Variants in HDAC5 observed in about 807,000 individuals in gnomAD.
HDAC5 encodes the protein histone deacetylase 5.
In HDAC5, 25 loss-of-function variants were observed where a neutral mutation model predicts 133.3. The ratio of observed to expected loss-of-function variants is 0.19; its 90% CI spans 0.14 to 0.26. HDAC5 has a LOEUF of 0.26. Ranked by LOEUF, HDAC5 falls within the 10% of genes least tolerant of loss-of-function variation. HDAC5 has a pLI of 1.00. For missense variants in HDAC5, 1,041 were observed against 1,460.5 expected (o/e 0.71, Z 4.68); for synonymous variants, 589 against 610.8 (o/e 0.96, Z 0.53).
intron 20 of HDAC5, chr17:44,081,438 A>G (rs1026035063): frequency 1.3e-5 from 2 of 151,930 alleles, no homozygotes; most frequent in African/African-American, 4.8e-5. Context: ...TTTTTAGTAG[A>G]GATGGGGTTT....
At chr17:44,102,919 C>CA (rs969754047) in intron 3 of HDAC5, among the ~76,000 whole-genome samples, 16 of 151,488 alleles carry the variant, frequency 1.1e-4, no homozygotes, top group African/African-American at 3.6e-4. Flanking sequence ...CCACCCGCCT[C>CA]GCCTCCCAAA....
chr17:44,120,892 G>A (rs2052951342), intron 1 of HDAC5, among the ~76,000 whole-genome samples: 1 of 152,008 alleles, frequency 6.6e-6, no homozygotes. Context: ...CCCAAGCTAG[G>A]CCAACAGAAG....
intron 9 of HDAC5, 84 bp downstream of exon 9, chr17:44,092,088 A>G: frequency 8.0e-7 from 1 of 1,251,626 alleles, no homozygotes; most frequent in Non-Finnish European, 1.1e-6. Context: ...ACTCAGGCAG[A>G]CAGACTGGAA....
intron 23 of HDAC5, among the ~76,000 whole-genome samples, 170 bp downstream of exon 23, chr17:44,079,937 C>T (rs946924983): frequency 6.6e-6 from 1 of 152,106 alleles, no homozygotes; most frequent in Non-Finnish European, 1.5e-5. Flanking sequence ...CCCTCAAGGC[C>T]GGGGTTGGCA....
At chr17:44,087,066 G>A (rs960737601) in intron 13 of HDAC5, among the ~76,000 whole-genome samples, 3 of 151,754 alleles carry the variant, frequency 2.0e-5, no homozygotes, top group South Asian at 2.1e-4. Context: ...AGCTAGGCGC[G>A]AGGCAGACAG....
chr17:44,078,373 G>A lies in HDAC5; in HGVS notation c.*3C>T, dbSNP rs2050209656. On this transcript the variant is annotated 3_prime_UTR_variant, in exon 27 of 27. Transcript: ENST00000682912. ...GAAGCCCAGAGGGATGGGGGCCGGG[G>A]CGTCACAGGGCAGGCTCCTGCTCCA... 6.6e-7 allele frequency: 1 copy of A among 1,522,348 alleles called. No homozygotes were observed. The highest frequency in any genetic ancestry group is 8.8e-7 in the Non-Finnish European group (1 of 1,137,600). 94.3% of individuals were successfully genotyped at this position (1,522,348 alleles called of 1,614,324 possible).
chr17:44,117,186 C>T lies in HDAC5; in HGVS notation c.22+308G>A, dbSNP rs145681279. 6.6e-6 allele frequency among the ~76,000 whole-genome samples: 1 copy of T among 152,342 alleles called. No individual in the cohort carries two copies. Among genetic ancestry groups the T allele is most frequent in the Non-Finnish European group, 1.5e-5 (1 of 68,026 alleles). ...AGAGAGATTAAGGGATACACACTGC[C>T]CCCTCAGGCCCACCTGTCTTGGCTA... On this transcript the variant is annotated intron_variant, in intron 2 of 26. Coordinates refer to ENST00000682912, the MANE Select transcript of HDAC5 (RefSeq NM_005474.5). This position sits in a 1 kb window ranked among gnomAD's most constrained non-coding sequence, Gnocchi z 4.2.
chr17:44,107,264 T>C (rs1449974830), intron 3 of HDAC5, among the ~76,000 whole-genome samples: 2 of 152,154 alleles, frequency 1.3e-5, no homozygotes, highest in Non-Finnish European at 2.9e-5. Context: ...TTCCTTAACC[T>C]CTCTGAGCCT....
At position 44,093,685 on chromosome 17, in the gene HDAC5, C is replaced by T. The variant is rs2051084934; in HGVS notation, c.244G>A (p.Ala82Thr). The T allele has an allele frequency of 6.2e-7, 1 of 1,609,302 alleles. No homozygotes were observed. Among genetic ancestry groups the T allele is most frequent in the Non-Finnish European group, 8.5e-7 (1 of 1,178,160 alleles). The part of the protein sequence containing the change: ...REQQLQQELL[A>T]LKQQQQLQKQ... ...TGCAGCTGCTGCTGCTGCTTGAGCG[C>T]CAGGAGCTCCTGCTGCAGTTGCTGC... The change falls in exon 4 of 27, where the codon GCG becomes ACG. Residue 82 changes from alanine to threonine, a missense_variant. Ala to Thr is a moderately conservative substitution (Grantham distance 58). Around this residue, in one of 9 missense-constraint regions of HDAC5, gnomAD observed 109 missense variants for 168.0 expected, o/e 0.65. Transcript: ENST00000682912.
intron 24 of HDAC5, 68 bp downstream of exon 24, chr17:44,079,076 C>A: frequency 6.3e-7 from 1 of 1,578,672 alleles, no homozygotes; most frequent in Admixed American, 1.8e-5. Context: ...GCTCCCAGTG[C>A]TGGCTGACCC....
intron 18 of HDAC5, 108 bp downstream of exon 18, chr17:44,083,437 T>G (rs776332762): frequency 5.4e-6 from 4 of 740,762 alleles, no homozygotes; most frequent in Non-Finnish European, 8.9e-6. Flanking sequence ...AGAGTTGAGC[T>G]TGCAAAGGAC....
At chr17:44,091,053 T>C (rs914620296) in intron 11 of HDAC5, among the ~76,000 whole-genome samples, 6 of 152,244 alleles carry the variant, frequency 3.9e-5, no homozygotes, top group Non-Finnish European at 7.3e-5. Flanking sequence ...ATGTTTCTAC[T>C]GAACAACACT....
At chr17:44,092,048 T>C in intron 9 of HDAC5, 124 bp downstream of exon 9, 1 of 956,192 alleles carries the variant, frequency 1.0e-6, no homozygotes, top group South Asian at 1.7e-5. Context: ...CTCCAGCCTA[T>C]TCATGTGGGC....
intron 3 of HDAC5, among the ~76,000 whole-genome samples, chr17:44,098,602 C>T (rs542972537): frequency 1.5e-4 from 23 of 150,040 alleles, no homozygotes; most frequent in African/African-American, 4.7e-4. Context: ...TAGTTGGGTG[C>T]GGTAGCGGGC....
intron 2 of HDAC5, among the ~76,000 whole-genome samples, chr17:44,115,416 G>A (rs1224813474): frequency 6.6e-6 from 1 of 152,200 alleles, no homozygotes; most frequent in Non-Finnish European, 1.5e-5. Flanking sequence ...CGCGTGCTCT[G>A]GCTTCAATCG....
chr17:44,089,236 A>G (rs770592748), intron 11 of HDAC5, among the ~76,000 whole-genome samples: 6 of 152,240 alleles, frequency 3.9e-5, no homozygotes, highest in Non-Finnish European at 8.8e-5. Context: ...CATATTGGCC[A>G]GGCACAGTGG....
chr17:44,095,104 A>T (rs1312679014), intron 3 of HDAC5, among the ~76,000 whole-genome samples: 2 of 152,118 alleles, frequency 1.3e-5, no homozygotes, highest in Admixed American at 6.6e-5. Context: ...TCAACACATA[A>T]TATTATCATT....
Position 44,078,365 on chromosome 17 carries a change from G to C in HDAC5, c.*11C>G. On this transcript the variant is annotated 3_prime_UTR_variant, in exon 27 of 27. Transcript: ENST00000682912. Reference sequence around the variant, plus strand: ...ACAATGGTGAAGCCCAGAGGGATGGGGGCCGGGGCGTCACAGGGCAGGCTC... The same window carrying C: ...ACAATGGTGAAGCCCAGAGGGATGGCGGCCGGGGCGTCACAGGGCAGGCTC... 2 of 1,524,302 alleles carry C rather than the reference G, an allele frequency of 1.3e-6. No individual in the cohort carries two copies. The highest frequency in any genetic ancestry group is 1.8e-6 in the Non-Finnish European group (2 of 1,139,026). 94.4% of individuals were successfully genotyped at this position (1,524,302 alleles called of 1,614,324 possible).
At chr17:44,113,307 G>A (rs2052451065) in intron 2 of HDAC5, among the ~76,000 whole-genome samples, 1 of 152,128 alleles carries the variant, frequency 6.6e-6, no homozygotes, top group Non-Finnish European at 1.5e-5. Context: ...CCCAGGACAG[G>A]GACACCCAGA....
Sources: gnomAD v4.1 joint callset for allele counts (sites outside exome capture counted in the v4.1 genomes callset) on GRCh38, gnomAD v4.1.1 for gene constraint, gnomAD v4.1.1 regional missense constraint, Gnocchi (gnomAD v3.1) non-coding constraint, MANE v1.5 for transcripts, NCBI Gene and HGNC (gene_info 2026-07-23, HGNC 2026-07-21) for gene names.